The following IDO2 variants were observed in gnomAD, a reference collection of about 807,000 sequenced individuals.
The protein encoded by IDO2 is indoleamine 2,3-dioxygenase 2, also known as indoleamine 2,3-dioxygenase-like 1 protein.
A neutral mutation model predicts 45.1 loss-of-function variants in IDO2; 46 were observed. The observed-to-expected ratio is 1.02, with a 90% confidence interval of 0.80 to 1.30. IDO2 has a LOEUF of 1.30. Ranked by LOEUF, IDO2 falls within the 50% of genes most tolerant of loss-of-function variation. IDO2 has a pLI of 0.00. For missense variants in IDO2, 544 were observed against 491.8 expected (o/e 1.11, Z -1.00); for synonymous variants, 218 against 184.9 (o/e 1.18, Z -1.45).
intron 3 of IDO2, among the ~76,000 whole-genome samples, chr8:39,965,689 A>T (rs1227993506): frequency 6.6e-6 from 1 of 152,148 alleles, no homozygotes. Context: ...TCCTTATAAG[A>T]AGAGGAAAAA....
In IDO2 at chr8:39,949,081, C is replaced by T. The variant is rs181350309; in HGVS notation, c.-17-68C>T. On this transcript the variant is annotated intron_variant, in intron 1 of 10. Transcript: ENST00000502986. ...GAGACACTGCGCAACTAACTGGAAC[C>T]GAAGGATGGAACCTGGGTGTTTAAT... 517 of 1,539,412 alleles carry T rather than the reference C, an allele frequency of 3.4e-4. 12 individuals carry two copies. In the Admixed American group the frequency reaches 9.1e-3, roughly 27 times the overall value.
At chr8:39,986,866 A>ATTATTATTATTATTG (rs1203684533) in intron 6 of IDO2, 1 of 8,554 alleles carries the variant, frequency 1.2e-4, no homozygotes, top group African/African-American at 9.0e-4. Context: ...ACAATATCTC[A>ATTATTATTATTATTG]TTATTATTAT....
chr8:39,982,754 A>G, exon 5 of IDO2: 1 of 1,592,068 alleles, frequency 6.3e-7, no homozygotes, highest in Non-Finnish European at 8.6e-7. Flanking sequence ...GAACTGGACC[A>G]AAAAAGATCC....
At chr8:39,963,012 C>T (rs1808022874) in intron 2 of IDO2, among the ~76,000 whole-genome samples, 1 of 152,228 alleles carries the variant, frequency 6.6e-6, no homozygotes, top group Non-Finnish European at 1.5e-5. Flanking sequence ...GCCTTTCAGC[C>T]TTTAGACTGT....
chr8:39,982,076 T>A (rs1426771287), intron 4 of IDO2, among the ~76,000 whole-genome samples: 1 of 152,160 alleles, frequency 6.6e-6, no homozygotes, highest in Non-Finnish European at 1.5e-5. Context: ...CATACCTAGG[T>A]GCACACACAG....
chr8:39,955,113 T>C (rs1249355050), intron 2 of IDO2, among the ~76,000 whole-genome samples: 2 of 150,750 alleles, frequency 1.3e-5, no homozygotes, highest in South Asian at 2.1e-4. Context: ...GGCTTCAGCA[T>C]AGGAATTTGG....
chr8:39,990,649 T>C (rs939062622), intron 8 of IDO2, among the ~76,000 whole-genome samples: 2 of 152,372 alleles, frequency 1.3e-5, no homozygotes, highest in South Asian at 2.1e-4. Flanking sequence ...ATAATTGTCC[T>C]CATTTTTCCT....
At chr8:39,949,050 G>A in intron 1 of IDO2, 99 bp from the exon 2 acceptor site, 1 of 1,478,210 alleles carries the variant, frequency 6.8e-7, no homozygotes, top group African/African-American at 1.4e-5. Context: ...GTTCTCTCCT[G>A]TGCCTGAGAC....
intron 10 of IDO2, 47 bp downstream of exon 10, chr8:40,013,760 G>T: frequency 7.8e-7 from 1 of 1,290,120 alleles, no homozygotes; most frequent in African/African-American, 2.5e-5. Flanking sequence ...GGAGGAAGAG[G>T]AGAGGTGTTT....
chr8:40,016,270 T>C (rs1181035584), exon 11 of IDO2: 4 of 398,202 alleles, frequency 1.0e-5, no homozygotes, highest in Non-Finnish European at 1.8e-5. Context: ...TTCTCTCTTC[T>C]TACTCTGAAA....
chr8:40,016,323 A>G (rs1451120468), exon 11 of IDO2: 1 of 396,718 alleles, frequency 2.5e-6, no homozygotes, highest in Non-Finnish European at 4.4e-6. Flanking sequence ...ATATAAGTAA[A>G]TAAGAAAACT....
intron 2 of IDO2, among the ~76,000 whole-genome samples, chr8:39,958,140 C>T (rs771129949): frequency 1.3e-5 from 2 of 152,086 alleles, no homozygotes; most frequent in Non-Finnish European, 2.9e-5. Flanking sequence ...CTCCTGACCT[C>T]GTGATCTGCC....
intron 5 of IDO2, 143 bp from the exon 6 acceptor site, chr8:39,985,365 T>C (rs1808408062): frequency 2.9e-6 from 2 of 680,732 alleles, no homozygotes; most frequent in East Asian, 5.4e-5. Context: ...TGGATGTGTG[T>C]GTGCCTGCAG....
At chr8:39,988,736 A>C (rs2129594737) in intron 7 of IDO2, among the ~76,000 whole-genome samples, 1 of 152,144 alleles carries the variant, frequency 6.6e-6, no homozygotes, top group South Asian at 2.1e-4. Flanking sequence ...TCCCTTGATA[A>C]GCATATGTTG....
intron 2 of IDO2, among the ~76,000 whole-genome samples, chr8:39,949,853 A>C (rs1253748906): frequency 1.3e-5 from 2 of 152,260 alleles, no homozygotes; most frequent in South Asian, 4.1e-4. Context: ...CAGGGCTGGT[A>C]GGAAGGATTA....
chr8:39,961,880 A>G (rs1325216159), intron 2 of IDO2, among the ~76,000 whole-genome samples: 1 of 152,218 alleles, frequency 6.6e-6, no homozygotes, highest in Non-Finnish European at 1.5e-5. Flanking sequence ...CAAAAATTCA[A>G]TTGTGCAGGT....
chr8:39,935,918 T>A (rs1807540258), intron 1 of IDO2, among the ~76,000 whole-genome samples: 1 of 152,206 alleles, frequency 6.6e-6, no homozygotes, highest in African/African-American at 2.4e-5. Context: ...ATGTGCAAGT[T>A]AAAATCAGTC....
intron 3 of IDO2, among the ~76,000 whole-genome samples, chr8:39,977,701 C>T (rs1808283198): frequency 6.6e-6 from 1 of 152,208 alleles, no homozygotes; most frequent in South Asian, 2.1e-4. Flanking sequence ...CAAAACGAAA[C>T]AAAACAAGTA....
exon 4 of IDO2, chr8:39,979,075 G>C: frequency 1.3e-6 from 2 of 1,584,338 alleles, no homozygotes; most frequent in Non-Finnish European, 1.7e-6. Context: ...AGATGCCCCT[G>C]CTGAGCTGCC....
Sources: allele counts gnomAD v4.1 joint callset (sites outside exome capture counted in the v4.1 genomes callset), GRCh38; gene constraint gnomAD v4.1.1; transcripts MANE v1.5; gene names NCBI Gene and HGNC (gene_info 2026-07-23, HGNC 2026-07-21).